The following ZCCHC7 variants were observed in gnomAD, a reference collection of about 807,000 sequenced individuals.
The protein encoded by ZCCHC7 is zinc finger CCHC-type containing 7, also known as zinc finger CCHC domain-containing protein 7.
Under a neutral mutation model 52.0 loss-of-function variants are expected in ZCCHC7, and 35 were observed. The observed-to-expected ratio is 0.67, with a 90% CI of 0.51 to 0.89. The LOEUF (loss-of-function observed/expected upper bound fraction) is 0.89, where lower values mean the gene tolerates loss of function less well. Among genes scored for constraint, ZCCHC7 ranks in the 40% least tolerant of loss-of-function variants. The pLI is 0.00. For missense variants in ZCCHC7, 574 were observed against 649.1 expected, an observed-to-expected ratio of 0.88 and a Z score of 1.26; for synonymous variants, 217 against 221.5, an observed-to-expected ratio of 0.98 and a Z score of 0.18.
At chr9:37,211,691 A>G (rs1476848362) in intron 2 of ZCCHC7, among the ~76,000 whole-genome samples, 1 of 152,188 alleles carries the variant, frequency 6.6e-6, no homozygotes. Context: ...CAGTCTGCAA[A>G]GGACTGTTGC....
chr9:37,225,065 T>G (rs1825024482), intron 2 of ZCCHC7, among the ~76,000 whole-genome samples: 1 of 152,178 alleles, frequency 6.6e-6, no homozygotes, highest in African/African-American at 2.4e-5. Flanking sequence ...ATTATTTTAT[T>G]CCTATTGTGA....
At chr9:37,199,332 T>C in intron 2 of ZCCHC7, among the ~76,000 whole-genome samples, 1 of 148,690 alleles carries the variant, frequency 6.7e-6, no homozygotes, top group African/African-American at 2.5e-5. Flanking sequence ...TTCTTCTTTT[T>C]TTTTTTTTTT....
intron 2 of ZCCHC7, among the ~76,000 whole-genome samples, chr9:37,296,352 GTATAAC>G (rs1828782398): frequency 1.3e-5 from 2 of 152,138 alleles, no homozygotes; most frequent in Admixed American, 6.5e-5. Flanking sequence ...TACTTTTATG[GTATAAC>G]TGCCCAAATA....
chr9:37,158,968 AT>A (rs1820953735), intron 2 of ZCCHC7, among the ~76,000 whole-genome samples: 1 of 152,254 alleles, frequency 6.6e-6, no homozygotes. Flanking sequence ...AATTCCAGGA[AT>A]TAAGAGAATT....
At chr9:37,125,977 G>A (rs1356718736) in intron 1 of ZCCHC7, among the ~76,000 whole-genome samples, 1 of 152,178 alleles carries the variant, frequency 6.6e-6, no homozygotes, top group Non-Finnish European at 1.5e-5. Context: ...TAGCCTAGTT[G>A]TGTAGTTGAC....
intron 2 of ZCCHC7, among the ~76,000 whole-genome samples, chr9:37,270,484 G>A (rs1479247361): frequency 6.6e-6 from 1 of 151,714 alleles, no homozygotes; most frequent in African/African-American, 2.4e-5. Flanking sequence ...TGAAGTCCGG[G>A]GTTCAAAACC....
At chr9:37,308,368 A>G (rs1275551145) in intron 5 of ZCCHC7, among the ~76,000 whole-genome samples, 1 of 152,036 alleles carries the variant, frequency 6.6e-6, no homozygotes, top group Non-Finnish European at 1.5e-5. Flanking sequence ...GTTTTCTTCC[A>G]AAGAGCTCTG....
intron 2 of ZCCHC7, among the ~76,000 whole-genome samples, chr9:37,226,626 A>G (rs1429250466): frequency 2.6e-5 from 4 of 152,212 alleles, no homozygotes; most frequent in African/African-American, 4.8e-5. Flanking sequence ...GGACCAGTCT[A>G]TAGCCATATG....
chr9:37,264,793 C>T (rs986034817), intron 2 of ZCCHC7, among the ~76,000 whole-genome samples: 3 of 152,146 alleles, frequency 2.0e-5, no homozygotes, highest in Non-Finnish European at 4.4e-5. Flanking sequence ...ATGCTGTTTT[C>T]TCTAGTCCTC....
intron 2 of ZCCHC7, among the ~76,000 whole-genome samples, chr9:37,295,090 A>G (rs1241948809): frequency 6.6e-6 from 1 of 152,212 alleles, no homozygotes; most frequent in Admixed American, 6.5e-5. Flanking sequence ...CAGATATTAC[A>G]AAGTTGTGAG....
At chr9:37,316,016 C>CAAA (rs767867946) in intron 5 of ZCCHC7, among the ~76,000 whole-genome samples, 43 of 131,994 alleles carry the variant, frequency 3.3e-4, no homozygotes, top group African/African-American at 1.2e-3. Flanking sequence ...TCCTCAGTCT[C>CAAA]AAAAAAAAAA....
At chr9:37,226,859 T>A (rs1437072274) in intron 2 of ZCCHC7, among the ~76,000 whole-genome samples, 1 of 151,956 alleles carries the variant, frequency 6.6e-6, no homozygotes, top group Non-Finnish European at 1.5e-5. Context: ...TGAAACCCTG[T>A]CTCTACTAAA....
In ZCCHC7 at chr9:37,352,511, C is replaced by CTTTTTTTTTTTTTTTTTTTTTT. The variant is rs869266535; in HGVS notation, c.1084-2196_1084-2175dup. Among the ~76,000 whole-genome samples the CTTTTTTTTTTTTTTTTTTTTTT allele has an allele frequency of 6.6e-4, 54 of 81,574 alleles. 6 individuals are homozygous for CTTTTTTTTTTTTTTTTTTTTTT. Among genetic ancestry groups the CTTTTTTTTTTTTTTTTTTTTTT allele is most frequent in the African/African-American group, 2.6e-3 (46 of 17,970 alleles). The allele number at this position is 81,574 out of a possible 152,430, so 53.5% of individuals were successfully genotyped here. On this transcript the variant is annotated intron_variant, in intron 7 of 8. Transcript: ENST00000336755. ...TACCTTTGCATAATCACAATTTGCTCTTTTTTTTTTTTTTTTTTTTTTTTG... is the reference window on the plus strand; with the variant it reads ...TACCTTTGCATAATCACAATTTGCTCTTTTTTTTTTTTTTTTTTTTTTTTTTTTTTTTTTTTTTTTTTTTTTG...
intron 2 of ZCCHC7, among the ~76,000 whole-genome samples, chr9:37,270,212 A>G (rs929792478): frequency 6.6e-6 from 1 of 152,200 alleles, no homozygotes; most frequent in African/African-American, 2.4e-5. Context: ...AAAATTACCA[A>G]TCTCACATTA....
intron 2 of ZCCHC7, among the ~76,000 whole-genome samples, chr9:37,259,428 T>G (rs1415324544): frequency 6.6e-6 from 1 of 152,200 alleles, no homozygotes; most frequent in Admixed American, 6.5e-5. Flanking sequence ...TTATAAAGTT[T>G]CATTTTTAAT....
chr9:37,188,166 T>C lies in ZCCHC7; in HGVS notation c.610+61224T>C, dbSNP rs886247021. Among the ~76,000 whole-genome samples the C allele has an allele frequency of 9.9e-5, 15 of 152,238 alleles. No homozygotes were observed. The East Asian group carries it at 2.7e-3, about 27-fold the overall frequency. On this transcript the variant is annotated intron_variant, in intron 2 of 8. Transcript: ENST00000336755. Reference sequence around the variant, plus strand: ...TATTTTTATTTTTATTTTTTTGTTTTAAGAGACAGGGTCTCATTCTGTCTC... The same window carrying C: ...TATTTTTATTTTTATTTTTTTGTTTCAAGAGACAGGGTCTCATTCTGTCTC...
chr9:37,328,983 T>C (rs557552450), intron 6 of ZCCHC7, among the ~76,000 whole-genome samples: 72 of 151,916 alleles, frequency 4.7e-4, no homozygotes, highest in Admixed American at 1.2e-3. Context: ...GTTACACATA[T>C]ATATTACAAA....
intron 2 of ZCCHC7, among the ~76,000 whole-genome samples, chr9:37,266,865 C>T (rs1034271913): frequency 6.6e-6 from 1 of 152,020 alleles, no homozygotes. Context: ...TGGAGCAAGA[C>T]TCTGTCTCAA....
chr9:37,182,643 G>A (rs1027134401), intron 2 of ZCCHC7, among the ~76,000 whole-genome samples: 1 of 152,204 alleles, frequency 6.6e-6, no homozygotes, highest in Non-Finnish European at 1.5e-5. Context: ...TGGGATTATA[G>A]GCATGAGCCA....
Sources: allele counts gnomAD v4.1 joint callset (sites outside exome capture counted in the v4.1 genomes callset), GRCh38; gene constraint gnomAD v4.1.1; transcripts MANE v1.5; gene names NCBI Gene and HGNC (gene_info 2026-07-23, HGNC 2026-07-21).